Variants in ANKRD20A1 observed in about 807,000 individuals in gnomAD.
ANKRD20A1 encodes the protein ankyrin repeat domain 20 family member A1.
In ANKRD20A1, 2 loss-of-function variants were observed where a neutral mutation model predicts 50.9. The observed-to-expected ratio is 0.04, with a 90% CI of 0.02 to 0.12. The LOEUF (loss-of-function observed/expected upper bound fraction) is 0.12. ANKRD20A1 is among the 10% of genes least tolerant of loss of function. The pLI, the probability that ANKRD20A1 is intolerant of heterozygous loss-of-function variation, is 1.00. For missense variants in ANKRD20A1, 31 were observed against 548.1 expected, an observed-to-expected ratio of 0.06 and a Z score of 9.42; for synonymous variants, 10 against 186.2, an observed-to-expected ratio of 0.05 and a Z score of 7.70.
At chr9:67,884,247 TAAA>T (rs1827838029) in intron 8 of ANKRD20A1, among the ~76,000 whole-genome samples, 1 of 149,374 alleles carries the variant, frequency 6.7e-6, no homozygotes, top group Admixed American at 6.9e-5. Flanking sequence ...AAGATAACAA[TAAA>T]AACATTAGCA....
chr9:67,881,031 A>G (rs1374675418), intron 8 of ANKRD20A1, among the ~76,000 whole-genome samples: 90 of 143,850 alleles, frequency 6.3e-4, no homozygotes, highest in Admixed American at 1.1e-3. Context: ...GTTCTTGGAA[A>G]CTTATTATTT....
chr9:67,889,667 A>G (rs1446221244), intron 11 of ANKRD20A1, among the ~76,000 whole-genome samples: 7 of 34,056 alleles, frequency 2.1e-4, no homozygotes, highest in African/African-American at 6.7e-4. Context: ...TTTAAGATAC[A>G]TTAGACCATG....
chr9:67,881,038 A>G, intron 8 of ANKRD20A1, among the ~76,000 whole-genome samples: 1 of 144,836 alleles, frequency 6.9e-6, no homozygotes, highest in Admixed American at 7.4e-5. Context: ...GAAACTTATT[A>G]TTTTGGTATC....
At chr9:67,894,762 CAA>C (rs566815836) in intron 12 of ANKRD20A1, among the ~76,000 whole-genome samples, 2 of 37,004 alleles carry the variant, frequency 5.4e-5, no homozygotes, top group African/African-American at 8.2e-5. Context: ...TTGCACCTGC[CAA>C]AAAAAAAAAA....
intron 8 of ANKRD20A1, among the ~76,000 whole-genome samples, chr9:67,881,226 C>T (rs1489214873): frequency 1.4e-5 from 2 of 144,336 alleles, no homozygotes; most frequent in African/African-American, 4.9e-5. Context: ...ACAGCCTGGG[C>T]AACATCGTAT....
intron 12 of ANKRD20A1, among the ~76,000 whole-genome samples, chr9:67,893,989 TC>T (rs1313634198): frequency 5.4e-4 from 82 of 152,336 alleles, no homozygotes; most frequent in African/African-American, 1.9e-3. Flanking sequence ...AAAGATTTAT[TC>T]TGTTTTGTGG....
chr9:67,871,352 T>TAC, intron 6 of ANKRD20A1, 140 bp downstream of exon 6: 5 of 411,116 alleles, frequency 1.2e-5, no homozygotes, highest in African/African-American at 1.1e-4. Flanking sequence ...AATGTGTATA[T>TAC]ATGTATATAC....
In ANKRD20A1 at chr9:67,891,023, C is replaced by T. The variant is rs1452936044; in HGVS notation, c.1082-2413C>T. Among the ~76,000 whole-genome samples, 3 of 85,298 alleles carry T rather than the reference C, an allele frequency of 3.5e-5. 1 individual carries two copies. Among genetic ancestry groups the T allele is most frequent in the Non-Finnish European group, 5.0e-5 (2 of 40,346 alleles). The allele number at this position is 85,298 out of a possible 152,430, so 56.0% of individuals were successfully genotyped here. ...CAAAATCCCCATATGTGGCTGGGCGCGGTGGCTCGTGCCTGTAATCCCAGC... is the reference window on the plus strand; with the variant it reads ...CAAAATCCCCATATGTGGCTGGGCGTGGTGGCTCGTGCCTGTAATCCCAGC... On this transcript the variant is annotated intron_variant, in intron 11 of 14. Coordinates refer to ENST00000562196, the MANE Select transcript of ANKRD20A1 (RefSeq NM_032250.5).
At chr9:67,865,511 A>T (rs1827548655) in intron 3 of ANKRD20A1, among the ~76,000 whole-genome samples, 2 of 144,628 alleles carry the variant, frequency 1.4e-5, no homozygotes, top group Admixed American at 6.9e-5. Flanking sequence ...TTAGTAACAC[A>T]TTAATAGCGA....
chr9:67,872,668 C>A (rs1587598670), intron 6 of ANKRD20A1, among the ~76,000 whole-genome samples: 1 of 137,594 alleles, frequency 7.3e-6, no homozygotes, highest in Non-Finnish European at 1.6e-5. Context: ...TTGAATGATG[C>A]ACAATTAATC....
At chr9:67,892,192 ACT>A (rs1243957098) in intron 11 of ANKRD20A1, among the ~76,000 whole-genome samples, 1 of 71,450 alleles carries the variant, frequency 1.4e-5, no homozygotes, top group African/African-American at 4.6e-5. Context: ...AGAAATACAT[ACT>A]CTCTTGGAGG....
At position 67,859,337 on chromosome 9, in the gene ANKRD20A1, C is replaced by T. The variant is rs1169026942; in HGVS notation, c.-90C>T. Reference sequence around the variant, plus strand: ...ATAGGGGATTTGGGGCTGGGTCGGCCGGGGTCGGGGAGGGGGGTGGTGAAA... The same window carrying T: ...ATAGGGGATTTGGGGCTGGGTCGGCTGGGGTCGGGGAGGGGGGTGGTGAAA... On this transcript the variant is annotated 5_prime_UTR_variant, in exon 1 of 15. Transcript: ENST00000562196. 5 of 394,568 alleles carry T rather than the reference C, an allele frequency of 1.3e-5. 2 individuals are homozygous for T. The South Asian group carries it at 1.8e-4, about 14-fold the overall frequency. The allele number at this position is 394,568 out of a possible 1,614,324, so 24.4% of individuals were successfully genotyped here.
chr9:67,882,627 A>T (rs186976639), intron 8 of ANKRD20A1, among the ~76,000 whole-genome samples: 7 of 146,268 alleles, frequency 4.8e-5, no homozygotes, highest in African/African-American at 1.7e-4. Context: ...TACTTTTTCA[A>T]GCCATACATT....
At chr9:67,886,501 T>C (rs1240798742) in intron 9 of ANKRD20A1, among the ~76,000 whole-genome samples, 1 of 76,918 alleles carries the variant, frequency 1.3e-5, no homozygotes, top group Non-Finnish European at 2.8e-5. Flanking sequence ...TATAAATATG[T>C]ATTCATATCC....
intron 4 of ANKRD20A1, 63 bp from the exon 5 acceptor site, chr9:67,868,366 A>G: frequency 1.2e-6 from 1 of 851,904 alleles, no homozygotes; most frequent in South Asian, 1.8e-5. Context: ...AGTGTATCAA[A>G]CTAGCTTTTT....
intron 8 of ANKRD20A1, among the ~76,000 whole-genome samples, chr9:67,881,968 A>G (rs1222024175): frequency 7.4e-6 from 1 of 135,870 alleles, no homozygotes; most frequent in Admixed American, 8.1e-5. Context: ...ACAGTCTTCC[A>G]TGTAAGAAGC....
intron 8 of ANKRD20A1, among the ~76,000 whole-genome samples, chr9:67,881,825 TATC>T (rs1219006372): frequency 6.6e-6 from 1 of 151,404 alleles, no homozygotes; most frequent in Non-Finnish European, 1.5e-5. Context: ...AAAGTCCTCA[TATC>T]ATATTCTGAA....
chr9:67,884,820 G>A (rs1290253205), intron 9 of ANKRD20A1, among the ~76,000 whole-genome samples: 2 of 151,208 alleles, frequency 1.3e-5, no homozygotes, highest in Non-Finnish European at 2.9e-5. Flanking sequence ...AACCCGGGAG[G>A]CGGGGCTTGC....
At chr9:67,881,012 A>G (rs1447733366) in intron 8 of ANKRD20A1, among the ~76,000 whole-genome samples, 2 of 138,742 alleles carry the variant, frequency 1.4e-5, no homozygotes, top group Non-Finnish European at 3.1e-5. Context: ...CACATAGCAT[A>G]TAGCTTTTGT....
Sources: gnomAD v4.1 joint callset for allele counts (sites outside exome capture counted in the v4.1 genomes callset) on GRCh38, gnomAD v4.1.1 for gene constraint, MANE v1.5 for transcripts, NCBI Gene and HGNC (gene_info 2026-07-23, HGNC 2026-07-21) for gene names.